Variants in TBPL1 observed in about 807,000 individuals in gnomAD.
TBPL1 encodes TATA box-binding protein-like 1.
TBPL1 carries 4 observed loss-of-function variants against 22.1 expected under a neutral mutation model. The ratio of observed to expected loss-of-function variants is 0.18; its 90% CI spans 0.09 to 0.41. TBPL1 has a LOEUF of 0.41. Among genes scored for constraint, TBPL1 ranks in the 10% least tolerant of loss-of-function variants. TBPL1 has a pLI of 1.00. For synonymous variants in TBPL1, 64 were observed against 71.0 expected (o/e 0.90, Z 0.50); for missense variants, 115 against 222.3 (o/e 0.52, Z 3.07).
At chr6:133,969,700 T>A (rs932063477) in intron 1 of TBPL1, among the ~76,000 whole-genome samples, 2 of 152,176 alleles carry the variant, frequency 1.3e-5, no homozygotes, top group Admixed American at 1.3e-4. Flanking sequence ...TAAAATGTCC[T>A]CATGATAGAA....
At chr6:133,968,185 C>T (rs1776154372) in intron 1 of TBPL1, among the ~76,000 whole-genome samples, 1 of 152,010 alleles carries the variant, frequency 6.6e-6, no homozygotes, top group African/African-American at 2.4e-5. Flanking sequence ...GACGGGGTTT[C>T]ACCATGTTAG....
intron 2 of TBPL1, among the ~76,000 whole-genome samples, chr6:133,981,632 T>C (rs1046514727): frequency 3.9e-5 from 6 of 152,232 alleles, no homozygotes; most frequent in Admixed American, 3.9e-4. Flanking sequence ...TGATCTTTGG[T>C]GAATTTTGAG....
intron 2 of TBPL1, among the ~76,000 whole-genome samples, chr6:133,982,057 C>T (rs1776425070): frequency 6.6e-6 from 1 of 152,126 alleles, no homozygotes; most frequent in African/African-American, 2.4e-5. Context: ...CAGCAGAAAG[C>T]AGAATTAGGA....
At chr6:133,953,700 G>T (rs1169017927) in intron 1 of TBPL1, among the ~76,000 whole-genome samples, 2 of 152,086 alleles carry the variant, frequency 1.3e-5, no homozygotes, top group African/African-American at 4.8e-5. Context: ...ACCTGGGAGC[G>T]TTACCGAGCC....
Position 133,980,133 on chromosome 6 carries a change from C to A in TBPL1, c.8C>A (p.Ala3Glu). MD[A>E]DSDVALDILI... ...AATTTTAAAACCACCCCAATGGATG[C>A]AGACAGTGATGTTGCATTGGACATT... The change falls in exon 2 of 7, where the codon GCA becomes GAA. Residue 3 changes from alanine to glutamate, a missense_variant. Ala to Glu is a moderately radical substitution (Grantham distance 107). Coordinates refer to ENST00000237264, the MANE Select transcript of TBPL1 (RefSeq NM_004865.4). 6.4e-7 allele frequency: 1 copy of A among 1,551,748 alleles called. No individual in the cohort carries two copies. Among genetic ancestry groups the A allele is most frequent in the Non-Finnish European group, 8.7e-7 (1 of 1,150,288 alleles).
At position 133,990,299 on chromosome 6, in the gene TBPL1, G is replaced by C. The variant is rs1776603270; in HGVS notation, c.*3259G>C. 1 of 152,632 alleles carries C rather than the reference G, an allele frequency of 6.6e-6. No homozygotes were observed. Among genetic ancestry groups the C allele is most frequent in the African/African-American group, 2.4e-5 (1 of 41,444 alleles). 9.5% of individuals were successfully genotyped at this position (152,632 alleles called of 1,614,324 possible). Reference sequence around the variant, plus strand: ...GTCATGAAAGCCTTACAAGGAGGCAGCTTTTCTAGGCTTGACTTAATAACT... The same window carrying C: ...GTCATGAAAGCCTTACAAGGAGGCACCTTTTCTAGGCTTGACTTAATAACT... On this transcript the variant is annotated 3_prime_UTR_variant, in exon 7 of 7. Transcript: ENST00000237264.
At chr6:133,986,912 C>A in intron 6 of TBPL1, 49 bp from the exon 7 acceptor site, 2 of 1,305,652 alleles carry the variant, frequency 1.5e-6, no homozygotes, top group Non-Finnish European at 1.1e-6. Context: ...TTTCCTAGTG[C>A]TCCCTTTTCC....
intron 1 of TBPL1, among the ~76,000 whole-genome samples, chr6:133,974,198 T>A (rs1776273825): frequency 6.6e-6 from 1 of 152,218 alleles, no homozygotes; most frequent in Non-Finnish European, 1.5e-5. Context: ...TGTCTAGCTT[T>A]ATAATTTATA....
At chr6:133,985,401 T>C (rs1313636938) in intron 6 of TBPL1, among the ~76,000 whole-genome samples, 1 of 147,530 alleles carries the variant, frequency 6.8e-6, no homozygotes, top group Admixed American at 6.8e-5. Context: ...ATTCATGATA[T>C]CTTACATTTA....
chr6:133,974,588 A>C (rs1033777687), intron 1 of TBPL1, among the ~76,000 whole-genome samples: 2 of 152,176 alleles, frequency 1.3e-5, no homozygotes, highest in Non-Finnish European at 2.9e-5. Flanking sequence ...TGCCCTCCCA[A>C]AGTGCTGGGA....
intron 6 of TBPL1, among the ~76,000 whole-genome samples, chr6:133,985,335 T>TACAC (rs1282954131): frequency 9.4e-6 from 1 of 106,618 alleles, no homozygotes; most frequent in African/African-American, 4.3e-5. Context: ...TATATATATA[T>TACAC]ATACACACAT....
rs372776704 is a variant in TBPL1, at chr6:133,980,095, T to G, written c.-31T>G. On this transcript the variant is annotated 5_prime_UTR_variant, in exon 2 of 7. Coordinates refer to ENST00000237264, the MANE Select transcript of TBPL1 (RefSeq NM_004865.4). ...TTTATTTCTCAGGATGTGATCTTCG[T>G]GGTGGAAAGCTAAATTTTAAAACCA... 1 of 1,462,568 alleles carries G rather than the reference T, an allele frequency of 6.8e-7. No homozygotes were observed. Among genetic ancestry groups the G allele is most frequent in the Non-Finnish European group, 9.1e-7 (1 of 1,102,498 alleles). 90.6% of individuals were successfully genotyped at this position (1,462,568 alleles called of 1,614,324 possible).
Position 133,987,650 on chromosome 6 carries a change from A to G in TBPL1, c.*610A>G, listed in dbSNP as rs752313604. ...TGTGTGTGTGTGTGTGTGTGTGTGT[A>G]TATATATATATATATATGCACCACA... On this transcript the variant is annotated 3_prime_UTR_variant, in exon 7 of 7. Transcript: ENST00000237264. The G allele has an allele frequency of 0.028, 3,664 of 132,992 alleles. 89 individuals carry two copies. Among genetic ancestry groups the G allele is most frequent in the South Asian group, 0.054 (240 of 4,470 alleles). 8.2% of individuals were successfully genotyped at this position (132,992 alleles called of 1,614,324 possible). A position where few individuals can be genotyped will look rare whatever the true frequency, so the allele number is the denominator to read the frequency against.
At chr6:133,976,953 G>A (rs1776323797) in intron 1 of TBPL1, among the ~76,000 whole-genome samples, 1 of 149,282 alleles carries the variant, frequency 6.7e-6, no homozygotes, top group Non-Finnish European at 1.5e-5. Flanking sequence ...GGGCAACAAA[G>A]CGAGACTTGG....
chr6:133,986,364 A>T (rs900590124), intron 6 of TBPL1, among the ~76,000 whole-genome samples: 1 of 152,296 alleles, frequency 6.6e-6, no homozygotes, highest in African/African-American at 2.4e-5. Context: ...AAAGTTGTTC[A>T]AGAATTAGCA....
intron 1 of TBPL1, among the ~76,000 whole-genome samples, chr6:133,957,687 G>C (rs1474457319): frequency 6.6e-6 from 1 of 152,178 alleles, no homozygotes; most frequent in Non-Finnish European, 1.5e-5. Context: ...CAGCATCATG[G>C]CTGTGCTTTT....
rs565116540 is a variant in TBPL1, at chr6:133,967,654, A to T, written c.-44-12428A>T. 2.7e-3 allele frequency among the ~76,000 whole-genome samples: 414 copies of T among 152,318 alleles called. 2 individuals are homozygous for T. The highest frequency in any genetic ancestry group is 2.1e-3 in the Non-Finnish European group (146 of 68,026). ...TTTACTGAGTACTGTAGGCAGTTGT[A>T]ACATAATCATAAGTATTTGGGTATC... On this transcript the variant is annotated intron_variant, in intron 1 of 6. Coordinates refer to ENST00000237264, the MANE Select transcript of TBPL1 (RefSeq NM_004865.4).
At chr6:133,970,728 G>GTA (rs1776205515) in intron 1 of TBPL1, among the ~76,000 whole-genome samples, 1 of 151,856 alleles carries the variant, frequency 6.6e-6, no homozygotes, top group South Asian at 2.1e-4. Flanking sequence ...AGCCTCCCAA[G>GTA]TAGCTGGAAC....
At chr6:133,972,651 A>G (rs1776244281) in intron 1 of TBPL1, among the ~76,000 whole-genome samples, 2 of 150,664 alleles carry the variant, frequency 1.3e-5, no homozygotes, top group Admixed American at 1.3e-4. Flanking sequence ...TAGTGTGCTG[A>G]CCCTTGCCTA....
Sources: allele counts gnomAD v4.1 joint callset (sites outside exome capture counted in the v4.1 genomes callset), GRCh38; gene constraint gnomAD v4.1.1; transcripts MANE v1.5; gene names NCBI Gene and HGNC (gene_info 2026-07-23, HGNC 2026-07-21).